Variants in RFX6 observed in about 807,000 individuals in gnomAD.
The protein encoded by RFX6 is regulatory factor X6.
Under a neutral mutation model 110.8 loss-of-function variants are expected in RFX6, and 50 were observed. That is an observed-to-expected ratio of 0.45 (90% confidence interval 0.36 to 0.57). The LOEUF is 0.57. Ranked by LOEUF, RFX6 falls within the 20% of genes least tolerant of loss-of-function variation. The probability of loss-of-function intolerance (pLI) is 0.00; values close to 1 mark genes in which losing one functional copy is unlikely to be tolerated. For synonymous variants in RFX6, 383 were observed against 411.2 expected, an observed-to-expected ratio of 0.93 and a Z score of 0.83; for missense variants, 990 against 1,127.0, an observed-to-expected ratio of 0.88 and a Z score of 1.74.
intron 6 of RFX6, among the ~76,000 whole-genome samples, chr6:116,908,412 A>G (rs905884438): frequency 2.0e-5 from 3 of 152,112 alleles, no homozygotes; most frequent in African/African-American, 2.4e-5. Flanking sequence ...TAGTTTTTCA[A>G]TGAAATCAAT....
intron 10 of RFX6, among the ~76,000 whole-genome samples, chr6:116,918,585 G>A (rs1775524249): frequency 9.7e-5 from 12 of 123,308 alleles, no homozygotes; most frequent in Non-Finnish European, 8.6e-5. Context: ...TTCAATATAA[G>A]AACAATAGAA....
At position 116,925,454 on chromosome 6, in the gene RFX6, T is replaced by C. The variant is rs1775691307; in HGVS notation, c.1680T>C (p.Asp560=). The C allele has an allele frequency of 6.2e-7, 1 of 1,613,180 alleles. No individual in the cohort carries two copies. The change falls in exon 16 of 19, where the codon GAT becomes GAC. Residue 560 remains aspartate, a splice_region_variant and synonymous_variant. Transcript: ENST00000332958. The part of the protein sequence containing the change: ...NLLDKYMKNS[D]ASKAAFTASP... Reference sequence around the variant, plus strand: ...TCCCATTTTAAAAACTCTTTCCAGATGCGAGTAAAGCTGCTTTCACTGCTT... The same window carrying C: ...TCCCATTTTAAAAACTCTTTCCAGACGCGAGTAAAGCTGCTTTCACTGCTT...
At chr6:116,878,864 ATAG>A (rs1191255778) in intron 2 of RFX6, among the ~76,000 whole-genome samples, 2 of 150,920 alleles carry the variant, frequency 1.3e-5, no homozygotes, top group African/African-American at 4.9e-5. Flanking sequence ...CAATTTACAT[ATAG>A]TAGTTTTTTG....
chr6:116,893,021 G>A (rs1021039934), intron 4 of RFX6, among the ~76,000 whole-genome samples: 10 of 152,046 alleles, frequency 6.6e-5, no homozygotes, highest in Non-Finnish European at 1.3e-4. Context: ...GGTGGTGCTC[G>A]GAAACAACGT....
At position 116,880,625 on chromosome 6, in the gene RFX6, G is replaced by T; in HGVS notation, c.462G>T (p.Arg154Ser). ...ATGCACACTACTTAGATTTCTGTAG[G>T]AAAGAGAAATTAGAGCCAGCCTGTG... ...ILYAHYLDFC[R>S]KEKLEPACAA... is the part of the protein sequence containing the mutation. Residue 154 changes from arginine to serine, a missense_variant, in exon 3 of 19, where the codon AGG becomes AGT. Physicochemically the swap from Arg to Ser is moderately radical, Grantham distance 110. This residue lies in a region of RFX6 where 243 missense variants were observed against 353.1 expected (regional missense o/e 0.69). Transcript: ENST00000332958. The T allele has an allele frequency of 6.2e-7, 1 of 1,613,368 alleles. No individual in the cohort carries two copies. Among genetic ancestry groups the T allele is most frequent in the South Asian group, 1.1e-5 (1 of 91,044 alleles).
At chr6:116,909,364 A>C (rs898279597) in intron 6 of RFX6, among the ~76,000 whole-genome samples, 1 of 152,112 alleles carries the variant, frequency 6.6e-6, no homozygotes, top group African/African-American at 2.4e-5. Flanking sequence ...TATCCAACAA[A>C]TGTTAGTTTT....
intron 4 of RFX6, among the ~76,000 whole-genome samples, chr6:116,886,993 G>A (rs59121813): frequency 0.099 from 15,004 of 152,044 alleles, 923 homozygotes; most frequent in African/African-American, 0.17. Flanking sequence ...AACCTGAGAG[G>A]CGGAGGTTGC....
chr6:116,928,459 G>A (rs1293615248), intron 17 of RFX6, among the ~76,000 whole-genome samples: 5 of 152,128 alleles, frequency 3.3e-5, no homozygotes, highest in Admixed American at 1.3e-4. Context: ...TCTGACAGAA[G>A]TGTAATCTGG....
At chr6:116,926,815 C>T (rs1775748629) in intron 16 of RFX6, among the ~76,000 whole-genome samples, 1 of 152,154 alleles carries the variant, frequency 6.6e-6, no homozygotes, top group South Asian at 2.1e-4. Flanking sequence ...GTCACCAAAT[C>T]CACGTCTCCA....
intron 6 of RFX6, among the ~76,000 whole-genome samples, chr6:116,909,042 T>C (rs1023396521): frequency 3.3e-5 from 5 of 152,140 alleles, no homozygotes; most frequent in African/African-American, 1.2e-4. Context: ...CTTAAAATTG[T>C]CTGTTTCCTG....
chr6:116,896,363 C>A (rs1423652619), intron 6 of RFX6, among the ~76,000 whole-genome samples: 1 of 152,112 alleles, frequency 6.6e-6, no homozygotes, highest in Non-Finnish European at 1.5e-5. Context: ...TATAGCCTAA[C>A]CATTTTCTGT....
At chr6:116,923,022 T>G (rs969154739) in intron 13 of RFX6, 85 bp from the exon 14 acceptor site, 1 of 784,384 alleles carries the variant, frequency 1.3e-6, no homozygotes, top group East Asian at 2.4e-5. Flanking sequence ...TGTTAGACAG[T>G]CTATTTACTT....
At chr6:116,895,075 C>G (rs1486281512) in intron 5 of RFX6, 105 bp from the exon 6 acceptor site, 4 of 628,482 alleles carry the variant, frequency 6.4e-6, no homozygotes, top group African/African-American at 3.7e-5. Flanking sequence ...GCTTATTTCT[C>G]TAATCATGGT....
Position 116,927,135 on chromosome 6 carries a change from C to T in RFX6, c.1994C>T (p.Pro665Leu), listed in dbSNP as rs748473939. 3 of 1,614,108 alleles carry T rather than the reference C, an allele frequency of 1.9e-6. No homozygotes were observed. In the South Asian group the frequency reaches 3.3e-5, roughly 18 times the overall value. Reference protein sequence around the residue: ...VINQGPMAGRPPSVGPVLSAP... With the variant: ...VINQGPMAGRLPSVGPVLSAP... ...AACCAAGGACCAATGGCAGGGAGGC[C>T]CCCAAGTGTGGGCCCAGTACTGTCA... The change falls in exon 17 of 19, where the codon CCC becomes CTC. Residue 665 changes from proline to leucine, a missense_variant. Pro to Leu is a moderately conservative substitution (Grantham distance 98). This residue lies in a region of RFX6 where 438 missense variants were observed against 441.9 expected (regional missense o/e 0.99). Transcript: ENST00000332958.
At chr6:116,898,648 A>G (rs1255528090) in intron 6 of RFX6, among the ~76,000 whole-genome samples, 3 of 152,204 alleles carry the variant, frequency 2.0e-5, no homozygotes, top group African/African-American at 7.2e-5. Flanking sequence ...TTGGCCCTAG[A>G]GAGGAGGAGC....
chr6:116,927,762 T>TTTTTA (rs1775780359), intron 17 of RFX6, among the ~76,000 whole-genome samples: 1 of 149,240 alleles, frequency 6.7e-6, no homozygotes. Context: ...TTTTTTTTTT[T>TTTTTA]GAGACAAGGT....
intron 4 of RFX6, among the ~76,000 whole-genome samples, chr6:116,883,732 T>G (rs773050668): frequency 9.2e-5 from 14 of 152,132 alleles, no homozygotes; most frequent in Non-Finnish European, 1.8e-4. Flanking sequence ...ATTGGATAGC[T>G]CAGCTTTAGA....
At chr6:116,929,385 A>G (rs1182766214) in intron 18 of RFX6, among the ~76,000 whole-genome samples, 2 of 152,176 alleles carry the variant, frequency 1.3e-5, no homozygotes, top group Non-Finnish European at 2.9e-5. Flanking sequence ...CTCCATCAGT[A>G]TCCAAAAATC....
intron 6 of RFX6, among the ~76,000 whole-genome samples, chr6:116,900,217 C>A (rs900137018): frequency 3.3e-5 from 5 of 152,116 alleles, no homozygotes; most frequent in Admixed American, 1.3e-4. Flanking sequence ...GTATTTATAT[C>A]CTTTCCTGCT....
Sources: allele counts gnomAD v4.1 joint callset (sites outside exome capture counted in the v4.1 genomes callset), GRCh38; gene constraint gnomAD v4.1.1; regional missense constraint gnomAD v4.1.1; transcripts MANE v1.5; gene names NCBI Gene and HGNC (gene_info 2026-07-23, HGNC 2026-07-21).